The following PPP1R9A variants were observed in gnomAD, a reference collection of about 807,000 sequenced individuals.
The protein encoded by PPP1R9A is protein phosphatase 1 regulatory subunit 9A, also known as neurabin-1.
Under a neutral mutation model 141.9 loss-of-function variants are expected in PPP1R9A, and 59 were observed. The ratio of observed to expected loss-of-function variants is 0.42; its 90% confidence interval spans 0.34 to 0.52. PPP1R9A has a LOEUF of 0.52. Among genes scored for constraint, PPP1R9A ranks in the 20% least tolerant of loss-of-function variants. The probability of loss-of-function intolerance (pLI) is 0.10; values close to 1 mark genes in which losing one functional copy is unlikely to be tolerated. For synonymous variants in PPP1R9A, 500 were observed against 569.7 expected (o/e 0.88, Z 1.74); for missense variants, 1,444 against 1,611.9 (o/e 0.90, Z 1.78).
intron 2 of PPP1R9A, among the ~76,000 whole-genome samples, chr7:95,030,461 T>G (rs775277583): frequency 2.0e-5 from 3 of 152,208 alleles, no homozygotes; most frequent in Non-Finnish European, 2.9e-5. Context: ...TACATTTTGA[T>G]ATGTTTTGTT....
intron 4 of PPP1R9A, among the ~76,000 whole-genome samples, chr7:95,135,068 AC>A (rs1485856698): frequency 6.6e-6 from 1 of 152,142 alleles, no homozygotes; most frequent in African/African-American, 2.4e-5. Context: ...CCTCCTCTTA[AC>A]ATCAACCTAT....
chr7:94,931,571 G>T (rs578100291), intron 2 of PPP1R9A, among the ~76,000 whole-genome samples: 2 of 151,912 alleles, frequency 1.3e-5, no homozygotes, highest in East Asian at 3.9e-4. Context: ...AGACTGACTG[G>T]ATTCTTTCTT....
At chr7:94,942,470 A>G (rs1018541472) in intron 2 of PPP1R9A, among the ~76,000 whole-genome samples, 1 of 152,186 alleles carries the variant, frequency 6.6e-6, no homozygotes, top group African/African-American at 2.4e-5. Context: ...GGTTTATTGA[A>G]TACAGCCATA....
intron 6 of PPP1R9A, among the ~76,000 whole-genome samples, chr7:95,199,347 C>T (rs1012196043): frequency 1.3e-5 from 2 of 152,164 alleles, no homozygotes; most frequent in Non-Finnish European, 1.5e-5. Flanking sequence ...TCAGGTAAAA[C>T]AAATATTCTT....
At chr7:95,230,016 G>A (rs1198695379) in intron 8 of PPP1R9A, among the ~76,000 whole-genome samples, 1 of 152,184 alleles carries the variant, frequency 6.6e-6, no homozygotes, top group East Asian at 1.9e-4. Context: ...CCAAGTACCA[G>A]TGCAGAGCCT....
intron 12 of PPP1R9A, among the ~76,000 whole-genome samples, chr7:95,258,322 G>T (rs1034238763): frequency 6.6e-6 from 1 of 152,160 alleles, no homozygotes; most frequent in Non-Finnish European, 1.5e-5. Flanking sequence ...CTTCTTTTGA[G>T]AAGTGTCTGT....
At chr7:95,067,193 C>T (rs1813065240) in intron 2 of PPP1R9A, among the ~76,000 whole-genome samples, 1 of 152,020 alleles carries the variant, frequency 6.6e-6, no homozygotes, top group African/African-American at 2.4e-5. Flanking sequence ...GAGTTGTGTA[C>T]CATGAAATTC....
At chr7:95,274,054 TC>T (rs749532313) in intron 15 of PPP1R9A, 30 bp from the exon 16 acceptor site, 1 of 1,512,502 alleles carries the variant, frequency 6.6e-7, no homozygotes, top group African/African-American at 1.4e-5. Flanking sequence ...AATTTCAGCT[TC>T]CCCTTTCTGA....
chr7:95,249,716 ACT>A (rs1798614123), intron 9 of PPP1R9A, among the ~76,000 whole-genome samples: 1 of 152,110 alleles, frequency 6.6e-6, no homozygotes, highest in African/African-American at 2.4e-5. Context: ...GATATATCAA[ACT>A]CTGAAACATC....
At chr7:95,097,349 G>T (rs1818181322) in intron 2 of PPP1R9A, among the ~76,000 whole-genome samples, 1 of 152,112 alleles carries the variant, frequency 6.6e-6, no homozygotes, top group African/African-American at 2.4e-5. Context: ...TCAATACTGA[G>T]CATAGTGCCA....
At chr7:95,275,253 C>G (rs1168433422) in intron 16 of PPP1R9A, among the ~76,000 whole-genome samples, 4 of 151,826 alleles carry the variant, frequency 2.6e-5, no homozygotes, top group African/African-American at 9.7e-5. Flanking sequence ...ACCAAAAATA[C>G]AAAAATTAGC....
intron 2 of PPP1R9A, among the ~76,000 whole-genome samples, chr7:94,931,169 T>C (rs909146602): frequency 2.0e-5 from 3 of 152,220 alleles, no homozygotes. Flanking sequence ...AGCAGTAGAA[T>C]GAAGTAATTT....
chr7:95,108,769 C>T (rs1300378600), intron 2 of PPP1R9A: 1 of 151,188 alleles, frequency 6.6e-6, no homozygotes, highest in African/African-American at 2.4e-5. Context: ...TGTTTGGGAT[C>T]CTGAAAAAAA....
intron 2 of PPP1R9A, chr7:95,108,962 G>A (rs1820070544): frequency 6.6e-6 from 1 of 152,164 alleles, no homozygotes; most frequent in Non-Finnish European, 1.5e-5. Context: ...AAGTAGAGAA[G>A]TGGTAAATAT....
chr7:95,285,857 T>G (rs1481356949), intron 17 of PPP1R9A, among the ~76,000 whole-genome samples: 2 of 152,200 alleles, frequency 1.3e-5, no homozygotes, highest in Non-Finnish European at 2.9e-5. Flanking sequence ...CATCTTGTAT[T>G]TTTACTTACA....
chr7:95,216,758 GCT>G (rs1793505855), intron 7 of PPP1R9A, among the ~76,000 whole-genome samples: 2 of 152,068 alleles, frequency 1.3e-5, no homozygotes, highest in Admixed American at 1.3e-4. Context: ...TCATGATTTG[GCT>G]CTCTGTTTGT....
At chr7:95,227,052 G>A (rs1374447236) in intron 8 of PPP1R9A, among the ~76,000 whole-genome samples, 1 of 152,114 alleles carries the variant, frequency 6.6e-6, no homozygotes, top group Non-Finnish European at 1.5e-5. Flanking sequence ...AAACCAAAGA[G>A]CAATGCAGAA....
intron 2 of PPP1R9A, among the ~76,000 whole-genome samples, chr7:95,080,791 A>G (rs977300299): frequency 6.6e-6 from 1 of 152,222 alleles, no homozygotes; most frequent in African/African-American, 2.4e-5. Context: ...GGTCTCCTAC[A>G]GTCATATTTT....
At chr7:95,101,098 C>T (rs529928346) in intron 2 of PPP1R9A, among the ~76,000 whole-genome samples, 124 of 151,770 alleles carry the variant, frequency 8.2e-4, no homozygotes, top group Non-Finnish European at 1.6e-3. Flanking sequence ...GTGATCCGCC[C>T]GCCTCGGCCT....
Sources: allele counts gnomAD v4.1 joint callset (sites outside exome capture counted in the v4.1 genomes callset), GRCh38; gene constraint gnomAD v4.1.1; transcripts MANE v1.5; gene names NCBI Gene and HGNC (gene_info 2026-07-23, HGNC 2026-07-21).